Variants in CNTNAP2 observed in about 807,000 individuals in gnomAD.
CNTNAP2 encodes contactin associated protein 2.
Under a neutral mutation model 155.2 loss-of-function variants are expected in CNTNAP2, and 98 were observed. The ratio of observed to expected loss-of-function variants is 0.63; its 90% CI spans 0.54 to 0.75. CNTNAP2 has a LOEUF of 0.75. Ranked by LOEUF, CNTNAP2 falls within the 30% of genes least tolerant of loss-of-function variation. The probability of loss-of-function intolerance (pLI) is 0.00; values close to 1 mark genes in which losing one functional copy is unlikely to be tolerated. For missense variants in CNTNAP2, 1,727 were observed against 1,688.1 expected (o/e 1.02, Z -0.40); for synonymous variants, 651 against 631.2 (o/e 1.03, Z -0.47).
chr7:147,226,933 T>C (rs11764751), intron 8 of CNTNAP2, among the ~76,000 whole-genome samples: 62,034 of 152,042 alleles, frequency 0.41, 13,118 homozygotes, highest in Non-Finnish European at 0.45. Context: ...AACAGTTCTG[T>C]CCTCACTGAG....
At chr7:146,429,148 T>C (rs540113450) in intron 1 of CNTNAP2, among the ~76,000 whole-genome samples, 1 of 152,182 alleles carries the variant, frequency 6.6e-6, no homozygotes, top group Non-Finnish European at 1.5e-5. Context: ...TAGTATAGTT[T>C]GAAGCCAGGT....
At chr7:146,331,364 A>G (rs576725897) in intron 1 of CNTNAP2, among the ~76,000 whole-genome samples, 53 of 152,018 alleles carry the variant, frequency 3.5e-4, no homozygotes, top group Non-Finnish European at 2.1e-4. Flanking sequence ...TTTATTGAGT[A>G]TATTCCATTT....
At chr7:148,000,654 A>T (rs917873876) in intron 15 of CNTNAP2, among the ~76,000 whole-genome samples, 1 of 152,104 alleles carries the variant, frequency 6.6e-6, no homozygotes, top group African/African-American at 2.4e-5. Flanking sequence ...CCCCAACAAA[A>T]ACTAGTTCTT....
intron 3 of CNTNAP2, among the ~76,000 whole-genome samples, chr7:146,929,679 T>C (rs886382027): frequency 2.5e-4 from 38 of 152,072 alleles, no homozygotes; most frequent in Admixed American, 1.0e-3. Flanking sequence ...GCAAAGAAGT[T>C]AAAAACTTTG....
At chr7:147,377,953 T>C (rs1262076629) in intron 9 of CNTNAP2, 1 of 452,838 alleles carries the variant, frequency 2.2e-6, no homozygotes, top group Non-Finnish European at 4.5e-6. Context: ...TTTTAAATGT[T>C]CTGGAAAATT....
intron 12 of CNTNAP2, among the ~76,000 whole-genome samples, chr7:147,566,347 A>AAAGGAAGGGGGAGGGGG (rs1288913391): frequency 1.2e-5 from 1 of 82,246 alleles, no homozygotes; most frequent in African/African-American, 5.0e-5. Flanking sequence ...GGGGGAGGGG[A>AAAGGAAGGGGGAGGGGG]AAGGAAGGGG....
chr7:147,781,284 G>A (rs12113621), intron 13 of CNTNAP2, among the ~76,000 whole-genome samples: 1 of 152,080 alleles, frequency 6.6e-6, no homozygotes, highest in South Asian at 2.1e-4. Context: ...TTGTAGAAAG[G>A]TAGCTGGACA....
intron 21 of CNTNAP2, among the ~76,000 whole-genome samples, chr7:148,345,673 G>A (rs1053316445): frequency 1.3e-5 from 2 of 152,062 alleles, no homozygotes; most frequent in African/African-American, 4.8e-5. Flanking sequence ...GTGAGCCACC[G>A]TGCCCGGCCG....
At chr7:148,250,781 G>A (rs746518363) in intron 20 of CNTNAP2, among the ~76,000 whole-genome samples, 19 of 151,132 alleles carry the variant, frequency 1.3e-4, no homozygotes, top group East Asian at 3.8e-4. Flanking sequence ...GTGAACCACC[G>A]TACCCGGCCT....
intron 10 of CNTNAP2, among the ~76,000 whole-genome samples, chr7:147,439,727 C>A (rs1414196614): frequency 6.6e-6 from 1 of 151,968 alleles, no homozygotes. Flanking sequence ...CTCTCTTTAG[C>A]TCTAATAATA....
At chr7:147,467,450 C>A (rs760390859) in intron 10 of CNTNAP2, among the ~76,000 whole-genome samples, 1 of 151,972 alleles carries the variant, frequency 6.6e-6, no homozygotes, top group African/African-American at 2.4e-5. Flanking sequence ...AATCAAATAC[C>A]ACATGAACTC....
intron 4 of CNTNAP2, among the ~76,000 whole-genome samples, chr7:147,091,124 C>T (rs940677121): frequency 6.6e-6 from 1 of 151,996 alleles, no homozygotes; most frequent in East Asian, 2.0e-4. Flanking sequence ...AACGCCCCAT[C>T]GGATGATCAT....
In CNTNAP2 at chr7:148,267,111, C is replaced by G. The variant is rs1300760391; in HGVS notation, c.3460C>G (p.Leu1154Val). The change falls in exon 21 of 24, where the codon CTG becomes GTG. Residue 1154 changes from leucine (L) to valine (V), a missense_variant. By Grantham distance (32) the Leu-to-Val change is conservative. Transcript: ENST00000361727. Reference sequence around the variant, plus strand: ...CTTCAATTCTCCCAAGTCGCTCTTTCTGGGAAAAGTTATAGGTAAGAATGT... The same window carrying G: ...CTTCAATTCTCCCAAGTCGCTCTTTGTGGGAAAAGTTATAGGTAAGAATGT... ...TLFNSPKSLF[L>V]GKVIETGKID... 1 of 1,613,838 alleles carries G rather than the reference C, an allele frequency of 6.2e-7. No individual in the cohort carries two copies. The highest frequency in any genetic ancestry group is 1.3e-5 in the African/African-American group (1 of 74,920).
chr7:146,653,524 T>C (rs1296385583), intron 1 of CNTNAP2, among the ~76,000 whole-genome samples: 1 of 152,156 alleles, frequency 6.6e-6, no homozygotes, highest in Non-Finnish European at 1.5e-5. Flanking sequence ...TGTAAACTAC[T>C]CTTTGAAAAG....
chr7:146,730,568 C>T (rs1296222736), intron 1 of CNTNAP2, among the ~76,000 whole-genome samples: 1 of 152,074 alleles, frequency 6.6e-6, no homozygotes, highest in Non-Finnish European at 1.5e-5. Context: ...TTACCTGATT[C>T]ATTTCTTATT....
At position 147,132,167 on chromosome 7, in the gene CNTNAP2, T is replaced by A. The variant is rs137967374; in HGVS notation, c.1084-78T>A. 1.6e-5 allele frequency: 25 copies of A among 1,577,162 alleles called. No homozygotes were observed. The East Asian group carries it at 5.6e-4, about 35-fold the overall frequency. On this transcript the variant is annotated intron_variant, in intron 7 of 23. Transcript: ENST00000361727. Reference sequence around the variant, plus strand: ...GGCTGTGCTTCAAAACTTGTAGAACTATACTTTCATCAGTGGTCTGACATG... The same window carrying A: ...GGCTGTGCTTCAAAACTTGTAGAACAATACTTTCATCAGTGGTCTGACATG...
intron 4 of CNTNAP2, among the ~76,000 whole-genome samples, chr7:147,091,035 G>T (rs1800392961): frequency 6.6e-6 from 1 of 152,020 alleles, no homozygotes; most frequent in South Asian, 2.1e-4. Context: ...CTTAATTTCT[G>T]TAGTTGAAGG....
intron 3 of CNTNAP2, among the ~76,000 whole-genome samples, chr7:146,903,342 C>G (rs913900231): frequency 6.6e-6 from 1 of 152,074 alleles, no homozygotes; most frequent in Non-Finnish European, 1.5e-5. Context: ...ATAACTCTAC[C>G]CCAGATCTGT....
intron 1 of CNTNAP2, among the ~76,000 whole-genome samples, chr7:146,262,076 C>T (rs1799927070): frequency 6.6e-6 from 1 of 152,158 alleles, no homozygotes; most frequent in Admixed American, 6.5e-5. Context: ...TAATTTTCCA[C>T]ACTGGTCCTC....
Sources: allele counts gnomAD v4.1 joint callset (sites outside exome capture counted in the v4.1 genomes callset), GRCh38; gene constraint gnomAD v4.1.1; transcripts MANE v1.5; gene names NCBI Gene and HGNC (gene_info 2026-07-23, HGNC 2026-07-21).